Variants in SHB observed in about 807,000 individuals in gnomAD.
The protein encoded by SHB is SH2 domain containing adaptor protein B, also known as SH2 domain-containing adapter protein B.
SHB carries 20 observed loss-of-function variants against 52.3 expected under a neutral mutation model. The ratio of observed to expected loss-of-function variants is 0.38; its 90% confidence interval spans 0.27 to 0.56. SHB has a LOEUF of 0.56. SHB is among the 20% of genes least tolerant of loss of function. The pLI is 0.71. For synonymous variants in SHB, 397 were observed against 316.5 expected (o/e 1.25, Z -2.70); for missense variants, 825 against 723.3 (o/e 1.14, Z -1.61).
At position 37,977,332 on chromosome 9, in the gene SHB, G is replaced by GA. The variant is rs1820667893; in HGVS notation, c.839-2496dup. ...TTTGCAAGTGTTGGAGAGCCACCGG[G>GA]AAATGCAATCAGCAAACAGACACTT... On this transcript the variant is annotated intron_variant, in intron 2 of 5. Transcript: ENST00000377707. 2.6e-5 allele frequency among the ~76,000 whole-genome samples: 4 copies of GA among 152,162 alleles called. No individual in the cohort carries two copies. In the South Asian group the frequency reaches 8.3e-4, roughly 32 times the overall value.
intron 2 of SHB, among the ~76,000 whole-genome samples, chr9:37,988,837 C>T (rs746633386): frequency 3.3e-5 from 5 of 152,188 alleles, no homozygotes; most frequent in Non-Finnish European, 7.3e-5. Context: ...TCTCCCGAGT[C>T]AGAGAGAACT....
chr9:37,946,344 CTGAGCCCCACTG>C (rs1374734097), intron 5 of SHB, among the ~76,000 whole-genome samples: 1 of 152,230 alleles, frequency 6.6e-6, no homozygotes, highest in African/African-American at 2.4e-5. Context: ...TTCTGGCCCT[CTGAGCCCCACTG>C]TGAGCTGACA....
At chr9:38,001,045 T>C (rs573155304) in intron 2 of SHB, among the ~76,000 whole-genome samples, 4 of 152,350 alleles carry the variant, frequency 2.6e-5, no homozygotes, top group Middle Eastern at 3.4e-3. Flanking sequence ...CACTGTTACA[T>C]GGCTTTTTGC....
rs571293516 is a variant in SHB at position 38,003,374 on chromosome 9, T to A, written c.838+12637A>T. Among the ~76,000 whole-genome samples the A allele has an allele frequency of 7.9e-5, 12 of 151,992 alleles. No homozygotes were observed. In the South Asian group the frequency reaches 2.5e-3, roughly 32 times the overall value. Reference sequence around the variant, plus strand: ...AGGCCATGCCCCTCGCTGCAACCGCTTCCACCACCCTTCCCACCCAGTCCT... The same window carrying A: ...AGGCCATGCCCCTCGCTGCAACCGCATCCACCACCCTTCCCACCCAGTCCT... On this transcript the variant is annotated intron_variant, in intron 2 of 5. Coordinates refer to ENST00000377707, the MANE Select transcript of SHB (RefSeq NM_003028.3).
At position 37,919,804 on chromosome 9, in the gene SHB, G is replaced by A. The variant is rs202199096; in HGVS notation, c.*17C>T. On this transcript the variant is annotated 3_prime_UTR_variant, in exon 6 of 6. Coordinates refer to ENST00000377707, the MANE Select transcript of SHB (RefSeq NM_003028.3). ...AAGTCTCAGGCTCTGTCACAGAGCA[G>A]GGCAGGTCTGGTCCGCTCACAGGGT... 2.2e-5 allele frequency: 35 copies of A among 1,609,420 alleles called. No individual in the cohort carries two copies. In the African/African-American group the frequency reaches 3.3e-4, roughly 15 times the overall value.
At chr9:38,001,830 AC>A (rs1395490600) in intron 2 of SHB, among the ~76,000 whole-genome samples, 4 of 152,160 alleles carry the variant, frequency 2.6e-5, no homozygotes, top group African/African-American at 9.7e-5. Flanking sequence ...ACCCACACTT[AC>A]CCGCTGAGAC....
chr9:38,006,288 C>G (rs4342707), intron 2 of SHB, among the ~76,000 whole-genome samples: 24 of 152,202 alleles, frequency 1.6e-4, no homozygotes, highest in African/African-American at 5.3e-4. Context: ...TTGCTAGGCG[C>G]TGCAAGATTC....
chr9:37,987,509 G>C (rs1359343764), intron 2 of SHB, among the ~76,000 whole-genome samples: 1 of 152,218 alleles, frequency 6.6e-6, no homozygotes, highest in Non-Finnish European at 1.5e-5. Flanking sequence ...ATTCAGGTCA[G>C]CAAGGAAGGC....
At chr9:38,032,868 G>A (rs963413192) in intron 1 of SHB, among the ~76,000 whole-genome samples, 16 of 152,168 alleles carry the variant, frequency 1.1e-4, no homozygotes, top group East Asian at 1.9e-4. Context: ...AAGCATACCC[G>A]TGCCAGGCAG....
intron 2 of SHB, among the ~76,000 whole-genome samples, chr9:37,989,843 T>C (rs1385820180): frequency 6.6e-6 from 1 of 152,212 alleles, no homozygotes; most frequent in African/African-American, 2.4e-5. Flanking sequence ...TGGGATGCCA[T>C]GCACAAGAGC....
At chr9:37,976,952 G>A (rs936206022) in intron 2 of SHB, among the ~76,000 whole-genome samples, 1 of 152,182 alleles carries the variant, frequency 6.6e-6, no homozygotes, top group African/African-American at 2.4e-5. Flanking sequence ...CACACGCCAC[G>A]AAGAAACAGA....
intron 1 of SHB, among the ~76,000 whole-genome samples, chr9:38,016,475 C>T (rs910201567): frequency 2.6e-5 from 4 of 152,246 alleles, no homozygotes; most frequent in Admixed American, 1.3e-4. Flanking sequence ...GTGAGTTGCT[C>T]GGTTTAATGG....
At chr9:38,058,561 T>G (rs1821849823) in intron 1 of SHB, among the ~76,000 whole-genome samples, 1 of 152,132 alleles carries the variant, frequency 6.6e-6, no homozygotes. Context: ...AGCCACCCTT[T>G]AAAAACCCAA....
At chr9:38,042,976 TC>T (rs1216424871) in intron 1 of SHB, among the ~76,000 whole-genome samples, 1 of 152,076 alleles carries the variant, frequency 6.6e-6, no homozygotes, top group Non-Finnish European at 1.5e-5. Flanking sequence ...CCCCACCTGT[TC>T]CCACTCTGAG....
At chr9:37,952,773 ATGTGACAC>A (rs1238241853) in intron 4 of SHB, among the ~76,000 whole-genome samples, 1 of 152,112 alleles carries the variant, frequency 6.6e-6, no homozygotes, top group African/African-American at 2.4e-5. Context: ...AACTAGTTAG[ATGTGACAC>A]CGTTTATGGA....
intron 4 of SHB, among the ~76,000 whole-genome samples, chr9:37,950,935 G>A (rs1375828557): frequency 6.6e-6 from 1 of 152,194 alleles, no homozygotes; most frequent in Non-Finnish European, 1.5e-5. Flanking sequence ...TGCAAGTGGG[G>A]ATGCTGCCTC....
In SHB at chr9:37,943,418, C is replaced by G. The variant is rs192606125; in HGVS notation, c.1346+5217G>C. Among the ~76,000 whole-genome samples, 11 of 152,322 alleles carry G rather than the reference C, an allele frequency of 7.2e-5. No individual in the cohort carries two copies. In the East Asian group the frequency reaches 2.1e-3, roughly 29 times the overall value. On this transcript the variant is annotated intron_variant, in intron 5 of 5. Coordinates refer to ENST00000377707, the MANE Select transcript of SHB (RefSeq NM_003028.3). ...GTAACTGACACTGGACGGGGCAGAGCTCATTGGCTGGGCTGGAGAGGCTGT... is the reference window on the plus strand; with the variant it reads ...GTAACTGACACTGGACGGGGCAGAGGTCATTGGCTGGGCTGGAGAGGCTGT...
At chr9:37,973,641 C>T (rs1186836218) in intron 3 of SHB, among the ~76,000 whole-genome samples, 1 of 152,206 alleles carries the variant, frequency 6.6e-6, no homozygotes, top group East Asian at 1.9e-4. Flanking sequence ...TTCAAAAGGG[C>T]TGTGGGAGAG....
At chr9:37,988,105 G>A (rs569805225) in intron 2 of SHB, among the ~76,000 whole-genome samples, 3 of 152,328 alleles carry the variant, frequency 2.0e-5, no homozygotes, top group African/African-American at 4.8e-5. Flanking sequence ...CTGCCCCTGC[G>A]GAAGCAACTT....
Sources: gnomAD v4.1 joint callset for allele counts (sites outside exome capture counted in the v4.1 genomes callset) on GRCh38, gnomAD v4.1.1 for gene constraint, MANE v1.5 for transcripts, NCBI Gene and HGNC (gene_info 2026-07-23, HGNC 2026-07-21) for gene names.